The following TFDP2 variants were observed in gnomAD, a reference collection of about 807,000 sequenced individuals.
TFDP2 encodes transcription factor Dp-2, also known as transcription factor Dp-2 (E2F dimerization partner 2).
TFDP2 carries 17 observed loss-of-function variants against 59.3 expected under a neutral mutation model. That is an observed-to-expected ratio of 0.29 (90% CI 0.20 to 0.43). The LOEUF is 0.43. Among genes scored for constraint, TFDP2 ranks in the 20% least tolerant of loss-of-function variants. The probability of loss-of-function intolerance (pLI) is 1.00; values close to 1 mark genes in which losing one functional copy is unlikely to be tolerated. For synonymous variants in TFDP2, 180 were observed against 194.7 expected (o/e 0.92, Z 0.63); for missense variants, 391 against 528.8 (o/e 0.74, Z 2.56).
chr3:142,085,417 T>A (rs1428521993), intron 3 of TFDP2, among the ~76,000 whole-genome samples: 1 of 152,104 alleles, frequency 6.6e-6, no homozygotes, highest in Non-Finnish European at 1.5e-5. Context: ...CCACAAAAAA[T>A]TTTAAAAATT....
chr3:142,136,009 A>G (rs984261637), intron 1 of TFDP2, among the ~76,000 whole-genome samples: 2 of 152,002 alleles, frequency 1.3e-5, no homozygotes, highest in Non-Finnish European at 2.9e-5. Flanking sequence ...GAACTAATTT[A>G]CACTCCCACC....
chr3:141,992,218 G>A (rs183010253), intron 6 of TFDP2, among the ~76,000 whole-genome samples: 1 of 151,798 alleles, frequency 6.6e-6, no homozygotes, highest in African/African-American at 2.4e-5. Context: ...ACAGACGGGT[G>A]GTGGGGATAC....
chr3:142,033,111 C>T (rs1471027631), intron 3 of TFDP2, among the ~76,000 whole-genome samples: 2 of 152,146 alleles, frequency 1.3e-5, no homozygotes, highest in African/African-American at 4.8e-5. Flanking sequence ...AGGAGAATCA[C>T]TTGAACCCAG....
chr3:142,040,373 T>C (rs1280812592), intron 3 of TFDP2, among the ~76,000 whole-genome samples: 1 of 152,246 alleles, frequency 6.6e-6, no homozygotes, highest in Non-Finnish European at 1.5e-5. Flanking sequence ...CAGAACTGCC[T>C]GAGGCCAGGA....
At chr3:142,101,967 T>C (rs1560145460) in intron 1 of TFDP2, 126 bp from the exon 2 acceptor site, 3 of 405,402 alleles carry the variant, frequency 7.4e-6, no homozygotes, top group East Asian at 6.6e-5. Flanking sequence ...ACAACAACAC[T>C]ATGAGGTTTG....
chr3:141,980,090 A>G (rs1941301534), intron 6 of TFDP2, among the ~76,000 whole-genome samples: 1 of 151,414 alleles, frequency 6.6e-6, no homozygotes. Flanking sequence ...TTTTTTGTAG[A>G]GACAGGGTCT....
At chr3:142,010,477 C>A (rs576305479) in intron 3 of TFDP2, among the ~76,000 whole-genome samples, 1 of 151,904 alleles carries the variant, frequency 6.6e-6, no homozygotes, top group Non-Finnish European at 1.5e-5. Flanking sequence ...GGCATGGTGG[C>A]GTGTGCCTGT....
chr3:142,121,722 T>TA lies in TFDP2; in HGVS notation c.-92-19882dup, dbSNP rs1314166208. Among the ~76,000 whole-genome samples, 1 of 151,948 alleles carries TA rather than the reference T, an allele frequency of 6.6e-6. No individual in the cohort carries two copies. The highest frequency in any genetic ancestry group is 1.9e-4 in the East Asian group (1 of 5,180). On this transcript the variant is annotated intron_variant, in intron 1 of 12. Coordinates refer to ENST00000489671, the MANE Select transcript of TFDP2 (RefSeq NM_001178139.2). The surrounding 1 kb of genome is among the most constrained non-coding windows in gnomAD (Gnocchi z 4.3). ...TAGCATATGATTAGGATATGAAGTTTAAAAAAGGCTCACACCTGTAATCCC... is the reference window on the plus strand; with the variant it reads ...TAGCATATGATTAGGATATGAAGTTTAAAAAAAGGCTCACACCTGTAATCCC...
Position 141,948,604 on chromosome 3 carries a change from AG to A in TFDP2, c.*3908del, listed in dbSNP as rs371128068. On this transcript the variant is annotated 3_prime_UTR_variant, in exon 13 of 13. Transcript: ENST00000489671. ...CCCCCTCTCTCAGTGTGGTTATGGC[AG>A]GAATAGCTGAGGTAGTTCTCATTCT... 1 of 151,552 alleles carries A rather than the reference AG, an allele frequency of 6.6e-6. No homozygotes were observed. The highest frequency in any genetic ancestry group is 2.4e-5 in the African/African-American group (1 of 41,196). 9.4% of individuals were successfully genotyped at this position (151,552 alleles called of 1,614,324 possible).
At chr3:142,052,895 T>C (rs1947710639) in intron 3 of TFDP2, among the ~76,000 whole-genome samples, 2 of 152,198 alleles carry the variant, frequency 1.3e-5, no homozygotes, top group South Asian at 4.2e-4. Context: ...CTGCAAGCTT[T>C]GCCTCCTGGG....
intron 6 of TFDP2, 92 bp downstream of exon 6, chr3:141,993,446 A>G: frequency 2.7e-6 from 2 of 744,986 alleles, no homozygotes; most frequent in Non-Finnish European, 4.3e-6. Context: ...TTACATGAAG[A>G]AAAACATCGC....
chr3:142,015,601 C>T (rs1945070320), intron 3 of TFDP2, among the ~76,000 whole-genome samples: 1 of 152,164 alleles, frequency 6.6e-6, no homozygotes, highest in African/African-American at 2.4e-5. Flanking sequence ...TGCTAACACT[C>T]TGGTCCCGGC....
At chr3:142,041,388 G>A (rs1308637109) in intron 3 of TFDP2, among the ~76,000 whole-genome samples, 3 of 152,202 alleles carry the variant, frequency 2.0e-5, no homozygotes, top group Non-Finnish European at 4.4e-5. Context: ...CCAGGTGGGA[G>A]GTAATTGAAT....
chr3:142,002,327 T>G (rs1240234619), intron 4 of TFDP2, among the ~76,000 whole-genome samples: 4 of 148,244 alleles, frequency 2.7e-5, no homozygotes, highest in South Asian at 4.3e-4. Flanking sequence ...GTTTTTTTTT[T>G]TTTTTTTTTT....
At chr3:142,077,557 C>G (rs2060501901) in intron 3 of TFDP2, among the ~76,000 whole-genome samples, 1 of 152,158 alleles carries the variant, frequency 6.6e-6, no homozygotes, top group Non-Finnish European at 1.5e-5. Context: ...CCAGAAGACA[C>G]TTCTAGACAC....
At chr3:142,034,383 G>A (rs149968932) in intron 3 of TFDP2, among the ~76,000 whole-genome samples, 1,664 of 152,108 alleles carry the variant, frequency 0.011, 31 homozygotes, top group African/African-American at 0.038. Context: ...ACAGGTGTTA[G>A]CCACCATGCC....
At chr3:142,141,901 A>C (rs1055733096) in intron 1 of TFDP2, among the ~76,000 whole-genome samples, 1 of 152,186 alleles carries the variant, frequency 6.6e-6, no homozygotes, top group Admixed American at 6.5e-5. Flanking sequence ...TTTATGTTGC[A>C]AAGAAGTTAA....
chr3:142,108,556 T>G (rs1189481356), intron 1 of TFDP2, among the ~76,000 whole-genome samples: 1 of 152,212 alleles, frequency 6.6e-6, no homozygotes, highest in Non-Finnish European at 1.5e-5. Flanking sequence ...GAGATTTGTC[T>G]CTATATTTCA....
At chr3:141,975,310 T>C (rs1165049545) in intron 7 of TFDP2, among the ~76,000 whole-genome samples, 3 of 152,136 alleles carry the variant, frequency 2.0e-5, no homozygotes, top group African/African-American at 7.2e-5. Context: ...TAATAAAGGA[T>C]GGTGGAGAAC....
Sources: gnomAD v4.1 joint callset for allele counts (sites outside exome capture counted in the v4.1 genomes callset) on GRCh38, gnomAD v4.1.1 for gene constraint, Gnocchi (gnomAD v3.1) non-coding constraint, MANE v1.5 for transcripts, NCBI Gene and HGNC (gene_info 2026-07-23, HGNC 2026-07-21) for gene names.